The following RORA variants were observed in gnomAD, a reference collection of about 807,000 sequenced individuals.
RORA encodes the protein RAR related orphan receptor A.
In RORA, 7 loss-of-function variants were observed where a neutral mutation model predicts 69.5. The ratio of observed to expected loss-of-function variants is 0.10; its 90% confidence interval spans 0.06 to 0.19. The LOEUF is 0.19. RORA is among the 10% of genes least tolerant of loss of function. The probability of loss-of-function intolerance (pLI) is 1.00; values close to 1 mark genes in which losing one functional copy is unlikely to be tolerated. For missense variants in RORA, 457 were observed against 663.0 expected (o/e 0.69, Z 3.41); for synonymous variants, 261 against 240.8 (o/e 1.08, Z -0.78).
intron 1 of RORA, among the ~76,000 whole-genome samples, chr15:60,960,024 C>T (rs1389110287): frequency 6.6e-6 from 1 of 151,974 alleles, no homozygotes; most frequent in South Asian, 2.1e-4. Context: ...CCTTTGAAAC[C>T]CCCTAAATAA....
intron 1 of RORA, among the ~76,000 whole-genome samples, chr15:60,693,340 A>T (rs2140778217): frequency 6.6e-6 from 1 of 152,338 alleles, no homozygotes; most frequent in East Asian, 1.9e-4. Flanking sequence ...CACAGACAAT[A>T]TCATGCTGAA....
In RORA at chr15:60,911,271, T is replaced by C. The variant is rs530178192; in HGVS notation, c.167-232585A>G. Reference sequence around the variant, plus strand: ...TTTTTGTAACTACAGTAAGCTCCTCTGTGACGGAAGCTCCTAGTTGTATCT... The same window carrying C: ...TTTTTGTAACTACAGTAAGCTCCTCCGTGACGGAAGCTCCTAGTTGTATCT... On this transcript the variant is annotated intron_variant, in intron 1 of 10. Coordinates refer to ENST00000335670, the MANE Select transcript of RORA (RefSeq NM_134261.3). Among the ~76,000 whole-genome samples the C allele has an allele frequency of 2.6e-5, 4 of 152,060 alleles. No homozygotes were observed. In the South Asian group the frequency reaches 6.2e-4, roughly 24 times the overall value.
At chr15:61,141,181 C>A (rs1170279062) in intron 1 of RORA, among the ~76,000 whole-genome samples, 1 of 152,106 alleles carries the variant, frequency 6.6e-6, no homozygotes, top group Non-Finnish European at 1.5e-5. Context: ...ATAGACCATA[C>A]AAAGAGGTGC....
intron 1 of RORA, among the ~76,000 whole-genome samples, chr15:60,819,171 A>G (rs994786242): frequency 1.3e-5 from 2 of 152,242 alleles, no homozygotes; most frequent in East Asian, 3.8e-4. Flanking sequence ...TTATGCTATT[A>G]CTGGAACTGT....
intron 1 of RORA, among the ~76,000 whole-genome samples, chr15:61,210,643 T>A (rs1472957028): frequency 6.6e-6 from 1 of 152,214 alleles, no homozygotes; most frequent in Non-Finnish European, 1.5e-5. Flanking sequence ...TACCCTTTTA[T>A]GTAAACTAAG....
intron 1 of RORA, among the ~76,000 whole-genome samples, chr15:61,054,564 C>A (rs1037452026): frequency 6.6e-6 from 1 of 152,120 alleles, no homozygotes; most frequent in Non-Finnish European, 1.5e-5. Context: ...GATTTAGGCT[C>A]CAAGCAATAA....
At chr15:60,603,125 G>GTAA (rs2068858165) in intron 2 of RORA, among the ~76,000 whole-genome samples, 3 of 152,182 alleles carry the variant, frequency 2.0e-5, no homozygotes, top group Admixed American at 1.3e-4. Flanking sequence ...TTATTGTTGA[G>GTAA]TAATATTCCA....
chr15:60,975,735 G>T (rs1355393172), intron 1 of RORA, among the ~76,000 whole-genome samples: 1 of 152,186 alleles, frequency 6.6e-6, no homozygotes, highest in African/African-American at 2.4e-5. Context: ...GAAAATAACT[G>T]ATACAGTGTT....
At chr15:60,754,337 T>G (rs2071767217) in intron 1 of RORA, among the ~76,000 whole-genome samples, 1 of 152,196 alleles carries the variant, frequency 6.6e-6, no homozygotes. Flanking sequence ...AAGACTGCTC[T>G]TAACACCAAC....
In RORA at chr15:60,944,130, G is replaced by A. The variant is rs548169714; in HGVS notation, c.167-265444C>T. On this transcript the variant is annotated intron_variant, in intron 1 of 10. Coordinates refer to ENST00000335670, the MANE Select transcript of RORA (RefSeq NM_134261.3). ...ATCTGTCAAAGAATTTGTATAAACC[G>A]AAGAACAGTAACATGCACTGAAGAT... Among the ~76,000 whole-genome samples, 9 of 152,108 alleles carry A rather than the reference G, an allele frequency of 5.9e-5. No individual in the cohort carries two copies. The South Asian group carries it at 1.5e-3, about 25-fold the overall frequency.
chr15:60,898,536 TA>T (rs1326945864), intron 1 of RORA, among the ~76,000 whole-genome samples: 4 of 150,838 alleles, frequency 2.7e-5, no homozygotes, highest in Admixed American at 2.6e-4. Context: ...AATAAATAAA[TA>T]AATAAATTTA....
intron 1 of RORA, among the ~76,000 whole-genome samples, chr15:61,193,791 ACACG>A (rs1391093948): frequency 6.6e-6 from 1 of 152,210 alleles, no homozygotes; most frequent in Non-Finnish European, 1.5e-5. Flanking sequence ...TCTCAAGGTC[ACACG>A]AATAGTGACA....
At chr15:60,750,328 A>T (rs992664857) in intron 1 of RORA, among the ~76,000 whole-genome samples, 5 of 152,242 alleles carry the variant, frequency 3.3e-5, no homozygotes, top group African/African-American at 1.2e-4. Flanking sequence ...CCTTTGTTTT[A>T]GGCATAAACT....
chr15:61,182,572 G>A (rs1482818208), intron 1 of RORA, among the ~76,000 whole-genome samples: 1 of 152,216 alleles, frequency 6.6e-6, no homozygotes, highest in Admixed American at 6.5e-5. Context: ...TCCAGTAGGA[G>A]AAAGGTTAGA....
intron 1 of RORA, among the ~76,000 whole-genome samples, chr15:61,224,190 A>G (rs901085209): frequency 6.6e-6 from 1 of 152,252 alleles, no homozygotes; most frequent in Admixed American, 6.5e-5. Context: ...ACACTTTATC[A>G]CTAATCTGGG....
intron 1 of RORA, among the ~76,000 whole-genome samples, chr15:60,943,384 A>G (rs917976458): frequency 1.3e-5 from 2 of 151,012 alleles, no homozygotes; most frequent in Non-Finnish European, 3.0e-5. Context: ...TGGCTCTTGT[A>G]GTCACTCTTC....
chr15:61,064,314 T>G (rs888536714), intron 1 of RORA, among the ~76,000 whole-genome samples: 1 of 152,264 alleles, frequency 6.6e-6, no homozygotes, highest in Non-Finnish European at 1.5e-5. Context: ...GTAATTTTAG[T>G]CTGTACCTTT....
chr15:60,715,098 C>T (rs941949570), intron 1 of RORA, among the ~76,000 whole-genome samples: 1 of 152,178 alleles, frequency 6.6e-6, no homozygotes, highest in Non-Finnish European at 1.5e-5. Flanking sequence ...CTGATTCTAG[C>T]TCTTTTTGTG....
chr15:61,095,460 G>C (rs1047977878), intron 1 of RORA, among the ~76,000 whole-genome samples: 2 of 152,206 alleles, frequency 1.3e-5, no homozygotes, highest in African/African-American at 4.8e-5. Context: ...AACCAATAAA[G>C]AAAAGACTGC....
Sources: allele counts gnomAD v4.1 joint callset (sites outside exome capture counted in the v4.1 genomes callset), GRCh38; gene constraint gnomAD v4.1.1; transcripts MANE v1.5; gene names NCBI Gene and HGNC (gene_info 2026-07-23, HGNC 2026-07-21).